The following MARCHF8 variants were observed in gnomAD, a reference collection of about 807,000 sequenced individuals.
The protein encoded by MARCHF8 is E3 ubiquitin-protein ligase MARCHF8.
A neutral mutation model predicts 51.6 loss-of-function variants in MARCHF8; 40 were observed. That is an observed-to-expected ratio of 0.77 (90% confidence interval 0.60 to 1.01). The LOEUF (loss-of-function observed/expected upper bound fraction) is 1.01, where lower values mean the gene tolerates loss of function less well. Among genes scored for constraint, MARCHF8 ranks in the 50% least tolerant of loss-of-function variants. MARCHF8 has a pLI of 0.00. For missense variants in MARCHF8, 685 were observed against 708.6 expected, an observed-to-expected ratio of 0.97 and a Z score of 0.38; for synonymous variants, 263 against 280.3, an observed-to-expected ratio of 0.94 and a Z score of 0.62.
At chr10:45,537,682 T>G (rs1366541532), upstream of MARCHF8, among the ~76,000 whole-genome samples, 2 of 151,058 alleles carry the variant, frequency 1.3e-5, no homozygotes, top group Non-Finnish European at 2.9e-5. Flanking sequence ...AGAAAAAAAT[T>G]ATACTAAGAA....
At chr10:45,583,900 G>A (rs922031800) in intron 1 of MARCHF8, among the ~76,000 whole-genome samples, 3 of 151,022 alleles carry the variant, frequency 2.0e-5, no homozygotes, top group East Asian at 1.9e-4. Context: ...CAGCTACTCC[G>A]GAGGCTGAGG....
chr10:45,489,306 G>T (rs886334597), intron 3 of MARCHF8, 61 bp downstream of exon 3: 7 of 1,205,216 alleles, frequency 5.8e-6, no homozygotes, highest in Non-Finnish European at 6.0e-6. Flanking sequence ...ATAAACACAT[G>T]TAAGGCATAA....
chr10:45,491,332 G>A (rs1210170909), intron 2 of MARCHF8, among the ~76,000 whole-genome samples: 1 of 152,214 alleles, frequency 6.6e-6, no homozygotes, highest in African/African-American at 2.4e-5. Context: ...GAGGTCAGTA[G>A]TTTGAGACCC....
At chr10:45,501,247 C>A (rs2043274756) in intron 2 of MARCHF8, among the ~76,000 whole-genome samples, 1 of 151,724 alleles carries the variant, frequency 6.6e-6, no homozygotes, top group Non-Finnish European at 1.5e-5. Flanking sequence ...AATAAAAAAA[C>A]TGGGAGAAAT....
Position 45,456,772 on chromosome 10 carries a change from G to A in MARCHF8, c.*1467C>T, listed in dbSNP as rs1842617915. On this transcript the variant is annotated 3_prime_UTR_variant, in exon 8 of 8. Transcript: ENST00000453424. ...ATTTGCCTGGAAAACTAGGAAACTGGGTTTTAAAAACAGAATTTTAAGCAG... is the reference window on the plus strand; with the variant it reads ...ATTTGCCTGGAAAACTAGGAAACTGAGTTTTAAAAACAGAATTTTAAGCAG... 1 of 152,180 alleles carries A rather than the reference G, an allele frequency of 6.6e-6. No individual in the cohort carries two copies. The highest frequency in any genetic ancestry group is 1.5e-5 in the Non-Finnish European group (1 of 68,042). The allele number at this position is 152,180 out of a possible 1,614,324, so 9.4% of individuals were successfully genotyped here.
intron 1 of MARCHF8, among the ~76,000 whole-genome samples, chr10:45,588,929 G>A (rs2044646962): frequency 6.7e-6 from 1 of 150,016 alleles, no homozygotes; most frequent in Non-Finnish European, 1.5e-5. Context: ...AACATGGGAG[G>A]TGGAGCTTGC....
chr10:45,535,032 T>C (rs1029149241), intron 1 of MARCHF8, among the ~76,000 whole-genome samples, 179 bp downstream of exon 1: 5 of 152,334 alleles, frequency 3.3e-5, no homozygotes, highest in South Asian at 2.1e-4. Context: ...TGAGTGACCA[T>C]TGATAATAAC....
chr10:45,560,914 G>A (rs980003700), intron 1 of MARCHF8, among the ~76,000 whole-genome samples: 4 of 152,030 alleles, frequency 2.6e-5, no homozygotes, highest in Non-Finnish European at 5.9e-5. Flanking sequence ...AAAAAGCCTC[G>A]TATAAGATAC....
At chr10:45,461,139 C>T (rs935511990) in intron 6 of MARCHF8, 92 bp downstream of exon 6, 15 of 977,544 alleles carry the variant, frequency 1.5e-5, no homozygotes, top group African/African-American at 6.7e-5. Context: ...AGGAAATGAA[C>T]GCAGGCAAGC....
At chr10:45,525,245 C>A (rs572016454) in intron 2 of MARCHF8, among the ~76,000 whole-genome samples, 77 of 152,250 alleles carry the variant, frequency 5.1e-4, no homozygotes, top group Non-Finnish European at 7.5e-4. Flanking sequence ...ATGGTAAAAT[C>A]CTCCTTTTGA....
intron 7 of MARCHF8, among the ~76,000 whole-genome samples, 160 bp downstream of exon 7, chr10:45,458,960 A>G (rs563943280): frequency 1.3e-5 from 2 of 152,336 alleles, no homozygotes; most frequent in East Asian, 3.9e-4. Context: ...AACTACCACC[A>G]CAGCAAAAGA....
At position 45,570,909 on chromosome 10, in the gene MARCHF8, A is replaced by G. The variant is rs145224877; in HGVS notation, c.-79+23326T>C. Among the ~76,000 whole-genome samples, 513 of 152,298 alleles carry G rather than the reference A, an allele frequency of 3.4e-3. 3 individuals are homozygous for G. The highest frequency in any genetic ancestry group is 0.012 in the African/African-American group (484 of 41,552). On this transcript the variant is annotated intron_variant, in intron 1 of 6. Transcript: ENST00000319836. ...ATGGAAGCCCCATATACTGAAAACC[A>G]CAAAACACTGCTGAAAGAAATACCT...
intron 1 of MARCHF8, among the ~76,000 whole-genome samples, chr10:45,574,074 T>C (rs1325951560): frequency 9.3e-6 from 1 of 107,300 alleles, no homozygotes; most frequent in East Asian, 2.9e-4. Flanking sequence ...CATCCTCCCC[T>C]TGTATCTCCC....
chr10:45,507,730 G>A (rs1011587019), intron 2 of MARCHF8, among the ~76,000 whole-genome samples: 1 of 151,158 alleles, frequency 6.6e-6, no homozygotes, highest in African/African-American at 2.4e-5. Flanking sequence ...CAGCTGTAAA[G>A]GACAAAAATT....
At chr10:45,566,786 G>T in intron 1 of MARCHF8, among the ~76,000 whole-genome samples, 1 of 136,892 alleles carries the variant, frequency 7.3e-6, no homozygotes, top group Non-Finnish European at 1.6e-5. Flanking sequence ...GGGGAGGGGG[G>T]GAGGGTATAT....
Position 45,562,637 on chromosome 10 carries a change from G to C in MARCHF8, c.-78-29348C>G, listed in dbSNP as rs549757394. On this transcript the variant is annotated intron_variant, in intron 1 of 6. Transcript: ENST00000319836. Reference sequence around the variant, plus strand: ...CTAAAGAAACCTCGTCCTTAGATAAGCTTATTTTTTTTAAAAAAAAGAAAC... The same window carrying C: ...CTAAAGAAACCTCGTCCTTAGATAACCTTATTTTTTTTAAAAAAAAGAAAC... 2.6e-5 allele frequency among the ~76,000 whole-genome samples: 4 copies of C among 151,996 alleles called. No homozygotes were observed. In the East Asian group the frequency reaches 7.7e-4, roughly 29 times the overall value.
chr10:45,479,738 G>A (rs1006770235), intron 3 of MARCHF8, among the ~76,000 whole-genome samples: 1 of 152,224 alleles, frequency 6.6e-6, no homozygotes, highest in African/African-American at 2.4e-5. Context: ...GGAACTGTGA[G>A]TCCATTAAAC....
At chr10:45,566,355 CAGTA>C (rs1441699744) in intron 1 of MARCHF8, among the ~76,000 whole-genome samples, 1 of 152,134 alleles carries the variant, frequency 6.6e-6, no homozygotes, top group Non-Finnish European at 1.5e-5. Context: ...TGCTATCAAA[CAGTA>C]AGTCTTATCC....
At position 45,530,839 on chromosome 10, in the gene MARCHF8, C is replaced by T. The variant is rs75278805; in HGVS notation, c.102+2271G>A. Among the ~76,000 whole-genome samples, 210 of 152,124 alleles carry T rather than the reference C, an allele frequency of 1.4e-3. 4 individuals are homozygous for T. In the East Asian group the frequency reaches 0.029, roughly 21 times the overall value. The stretch of plus-strand genomic sequence containing the variant: ...GACCGAAGTGAGGGAGAAAAGCAAA[C>T]TCAGAATAGTCACACATGCCAACAA... On this transcript the variant is annotated intron_variant, in intron 2 of 7. Coordinates refer to ENST00000453424, the MANE Select transcript of MARCHF8 (RefSeq NM_001282866.2).
Sources: allele counts gnomAD v4.1 joint callset (sites outside exome capture counted in the v4.1 genomes callset), GRCh38; gene constraint gnomAD v4.1.1; transcripts MANE v1.5; gene names NCBI Gene and HGNC (gene_info 2026-07-23, HGNC 2026-07-21).